TRPM7: variants seen among roughly 807,000 people sequenced by gnomAD.
TRPM7 encodes the protein transient receptor potential cation channel subfamily M member 7.
TRPM7 carries 134 observed loss-of-function variants against 229.7 expected under a neutral mutation model. The observed-to-expected ratio is 0.58, with a 90% CI of 0.51 to 0.67. TRPM7 has a LOEUF of 0.67. TRPM7 is among the 30% of genes least tolerant of loss of function. TRPM7 has a pLI of 0.00. For missense variants in TRPM7, 1,901 were observed against 2,210.0 expected (o/e 0.86, Z 2.80); for synonymous variants, 699 against 715.2 (o/e 0.98, Z 0.36).
intron 1 of TRPM7, among the ~76,000 whole-genome samples, chr15:50,680,377 G>A (rs2062214769): frequency 6.6e-6 from 1 of 151,934 alleles, no homozygotes. Context: ...TCTGTCTCCA[G>A]TAAAAACACA....
chr15:50,568,374 A>G (rs944979243), intron 38 of TRPM7, among the ~76,000 whole-genome samples: 3 of 152,138 alleles, frequency 2.0e-5, no homozygotes, highest in Admixed American at 6.5e-5. Context: ...TACAAAAAAA[A>G]TCCTGAGAAG....
chr15:50,625,960 A>G (rs2060546547), intron 11 of TRPM7, among the ~76,000 whole-genome samples: 1 of 152,164 alleles, frequency 6.6e-6, no homozygotes, highest in Admixed American at 6.5e-5. Flanking sequence ...ACATACAAAT[A>G]ATCCTAATGT....
At chr15:50,660,480 CCT>C (rs1240601602) in intron 2 of TRPM7, among the ~76,000 whole-genome samples, 31 of 152,156 alleles carry the variant, frequency 2.0e-4, no homozygotes, top group African/African-American at 5.8e-4. Context: ...TGGTGAAACC[CCT>C]GTCTCTACTA....
At chr15:50,644,500 G>T (rs1298520291) in intron 4 of TRPM7, among the ~76,000 whole-genome samples, 1 of 152,100 alleles carries the variant, frequency 6.6e-6, no homozygotes, top group African/African-American at 2.4e-5. Context: ...TCTCAGTACT[G>T]ACAAACAAAT....
intron 5 of TRPM7, among the ~76,000 whole-genome samples, chr15:50,642,681 G>A (rs949490547): frequency 4.6e-5 from 7 of 152,132 alleles, no homozygotes; most frequent in African/African-American, 1.4e-4. Context: ...ATGCTGAACT[G>A]TGGGTCAATT....
At chr15:50,593,595 T>C in intron 25 of TRPM7, 22 bp downstream of exon 25, 1 of 1,603,170 alleles carries the variant, frequency 6.2e-7, no homozygotes, top group Non-Finnish European at 8.5e-7. Flanking sequence ...TATAACCGAT[T>C]TTAACTAAAG....
chr15:50,661,546 A>G (rs1286196791), intron 2 of TRPM7, among the ~76,000 whole-genome samples: 2 of 151,992 alleles, frequency 1.3e-5, no homozygotes, highest in African/African-American at 4.8e-5. Context: ...CAAAGTTAAG[A>G]ATTTTTTAAA....
chr15:50,578,314 G>A lies in TRPM7; in HGVS notation c.4618+325C>T, dbSNP rs1012204336. 2.6e-5 allele frequency among the ~76,000 whole-genome samples: 4 copies of A among 152,172 alleles called. 1 individual carries two copies. In the South Asian group the frequency reaches 8.3e-4, roughly 31 times the overall value. ...TGCAATAGGACTTTGTGAGTACAAA[G>A]TCAAGGTGGTCAAGAATAACTCAGC... On this transcript the variant is annotated intron_variant, in intron 31 of 38. Coordinates refer to ENST00000646667, the MANE Select transcript of TRPM7 (RefSeq NM_017672.6).
In TRPM7 at chr15:50,586,504, A is replaced by G; in HGVS notation, c.4390-16T>C. On this transcript the variant is annotated splice_polypyrimidine_tract_variant and intron_variant, in intron 27 of 38. Transcript: ENST00000646667. ...TATTGTTATTCTGCAAATATTGTGC[A>G]GACATATAATTTGAAAATAATTGAA... The G allele has an allele frequency of 6.5e-7, 1 of 1,544,282 alleles. No homozygotes were observed. Among genetic ancestry groups the G allele is most frequent in the Non-Finnish European group, 8.9e-7 (1 of 1,118,548 alleles).
chr15:50,605,147 A>G lies in TRPM7; in HGVS notation c.2710-3T>C, dbSNP rs375913259. ...TTCCCAGCTTCAGACATAAAGATCT[A>G]AAGGTTTAACAACAACAAAAAAAAG... On this transcript the variant is annotated splice_polypyrimidine_tract_variant and splice_region_variant and intron_variant, in intron 20 of 38. Coordinates refer to ENST00000646667, the MANE Select transcript of TRPM7 (RefSeq NM_017672.6). 87 of 1,579,424 alleles carry G rather than the reference A, an allele frequency of 5.5e-5. 1 individual carries two copies. The highest frequency in any genetic ancestry group is 9.3e-5 in the South Asian group (8 of 85,622).
At chr15:50,564,560 T>TA (rs905644803) in intron 38 of TRPM7, among the ~76,000 whole-genome samples, 4 of 151,594 alleles carry the variant, frequency 2.6e-5, no homozygotes, top group Admixed American at 6.6e-5. Context: ...TTTATTTTTT[T>TA]AAAAAAAAGG....
intron 13 of TRPM7, among the ~76,000 whole-genome samples, chr15:50,619,192 T>C (rs2060316841): frequency 6.6e-6 from 1 of 151,994 alleles, no homozygotes; most frequent in Admixed American, 6.6e-5. Flanking sequence ...TATTCTATCT[T>C]GGATGACCAG....
chr15:50,643,704 T>A (rs542262290), intron 4 of TRPM7, 151 bp from the exon 5 acceptor site: 6 of 602,124 alleles, frequency 1.0e-5, no homozygotes, highest in Non-Finnish European at 1.7e-5. Context: ...CTCCAAGGAA[T>A]AAGCAATAGT....
intron 1 of TRPM7, among the ~76,000 whole-genome samples, chr15:50,677,756 A>AAC (rs2062128908): frequency 6.7e-6 from 1 of 150,288 alleles, no homozygotes; most frequent in Non-Finnish European, 1.5e-5. Context: ...AAAAAAAAAA[A>AAC]AAAACAAAAG....
At chr15:50,631,185 T>A (rs906577392) in intron 10 of TRPM7, among the ~76,000 whole-genome samples, 3 of 152,210 alleles carry the variant, frequency 2.0e-5, no homozygotes, top group Non-Finnish European at 4.4e-5. Flanking sequence ...TAAACCTTGC[T>A]AAAAACTTTT....
chr15:50,628,533 C>T (rs1019121027), intron 10 of TRPM7, among the ~76,000 whole-genome samples: 2 of 152,182 alleles, frequency 1.3e-5, no homozygotes, highest in Non-Finnish European at 2.9e-5. Flanking sequence ...CTCAAACTCC[C>T]GGCCTCAAGT....
chr15:50,593,807 C>T (rs2059564525), intron 24 of TRPM7, 58 bp from the exon 25 acceptor site: 1 of 1,517,516 alleles, frequency 6.6e-7, no homozygotes, highest in Admixed American at 2.1e-5. Context: ...TCAACTTTAG[C>T]TCATAATTCT....
intron 21 of TRPM7, 123 bp from the exon 22 acceptor site, chr15:50,599,419 T>C: frequency 1.7e-6 from 1 of 598,192 alleles, no homozygotes; most frequent in South Asian, 3.6e-5. Context: ...TCTTTGAGAT[T>C]CTTTTTGTTC....
intron 25 of TRPM7, 55 bp from the exon 26 acceptor site, chr15:50,592,681 T>C (rs556773141): frequency 8.6e-5 from 106 of 1,238,046 alleles, no homozygotes; most frequent in African/African-American, 6.3e-4. Flanking sequence ...TGTAGAATTT[T>C]ATTTTGTAGC....
Sources: allele counts gnomAD v4.1 joint callset (sites outside exome capture counted in the v4.1 genomes callset), GRCh38; gene constraint gnomAD v4.1.1; transcripts MANE v1.5; gene names NCBI Gene and HGNC (gene_info 2026-07-23, HGNC 2026-07-21).